The following ZNF268 variants were observed in gnomAD, a reference collection of about 807,000 sequenced individuals.
The protein encoded by ZNF268 is zinc finger protein 3.
A neutral mutation model predicts 29.3 loss-of-function variants in ZNF268; 20 were observed. That is an observed-to-expected ratio of 0.68 (90% CI 0.48 to 0.99). ZNF268 has a LOEUF of 0.99. Among genes scored for constraint, ZNF268 ranks in the 50% least tolerant of loss-of-function variants. The pLI is 0.00. For missense variants in ZNF268, 1,240 were observed against 1,121.6 expected, an observed-to-expected ratio of 1.11 and a Z score of -1.51; for synonymous variants, 429 against 376.9, an observed-to-expected ratio of 1.14 and a Z score of -1.60.
At chr12:133,200,663 A>G (rs1317239459) in intron 5 of ZNF268, among the ~76,000 whole-genome samples, 1 of 152,016 alleles carries the variant, frequency 6.6e-6, no homozygotes, top group Non-Finnish European at 1.5e-5. Context: ...CTTGATCCTT[A>G]GTCTTATTTC....
rs2135533369 is a variant in ZNF268 at position 133,208,173 on chromosome 12, C to A, written c.*3643C>A. The A allele has an allele frequency of 6.6e-6, 1 of 152,040 alleles. No homozygotes were observed. The highest frequency in any genetic ancestry group is 2.4e-5 in the African/African-American group (1 of 41,476). The allele number at this position is 152,040 out of a possible 1,614,324, so 9.4% of individuals were successfully genotyped here. On this transcript the variant is annotated 3_prime_UTR_variant, in exon 6 of 6. Transcript: ENST00000536435. ...ACAAGCCTGACCAATATAGGGAGAC[C>A]CTGTCTGTACAAAAACTTTTTAAAA... is the stretch of plus-strand genomic sequence containing the variant.
In ZNF268 at chr12:133,202,663, A is replaced by G. The variant is rs765292569; in HGVS notation, c.977A>G (p.His326Arg). 29 of 1,607,116 alleles carry G rather than the reference A, an allele frequency of 1.8e-5. No homozygotes were observed. In the South Asian group the frequency reaches 3.1e-4, roughly 17 times the overall value. The change falls in exon 6 of 6, where the codon CAT (histidine) becomes CGT (arginine). Residue 326 changes from histidine (H) to arginine (R), a missense_variant. Physicochemically the swap from His to Arg is conservative, Grantham distance 29. Coordinates refer to ENST00000536435, the MANE Select transcript of ZNF268 (RefSeq NM_003415.3). ...TACCTCATTGTACATCAGAGAATTC[A>G]TACAGGAGAGAAACTACATGAATGC... ...KSYLIVHQRI[H>R]TGEKLHECSE...
In ZNF268 at chr12:133,208,023, C is replaced by T. The variant is rs1198220731; in HGVS notation, c.*3493C>T. On this transcript the variant is annotated 3_prime_UTR_variant, in exon 6 of 6. Coordinates refer to ENST00000536435, the MANE Select transcript of ZNF268 (RefSeq NM_003415.3). ...ATGTTCTGAAAACACAAATGTCATA[C>T]TTAATGATAAAATAGTAGAAAGATT... 4 of 152,076 alleles carry T rather than the reference C, an allele frequency of 2.6e-5. No individual in the cohort carries two copies. Among genetic ancestry groups the T allele is most frequent in the African/African-American group, 9.7e-5 (4 of 41,400 alleles). The allele number at this position is 152,076 out of a possible 1,614,324, so 9.4% of individuals were successfully genotyped here.
rs971391110 is a variant in ZNF268 at position 133,212,585 on chromosome 12, T to C, written c.*8055T>C. ...TATACACATATATATAATAAGAACA[T>C]TTACCATTTTAACTATTTTTAAGTG... is the stretch of plus-strand genomic sequence containing the variant. On this transcript the variant is annotated 3_prime_UTR_variant, in exon 6 of 6. Transcript: ENST00000536435. 5.3e-5 allele frequency: 8 copies of C among 150,488 alleles called. No homozygotes were observed. The highest frequency in any genetic ancestry group is 2.0e-4 in the Admixed American group (3 of 15,054). The allele number at this position is 150,488 out of a possible 1,614,324, so 9.3% of individuals were successfully genotyped here.
In ZNF268 at chr12:133,212,492, T is replaced by C. The variant is rs1196613360; in HGVS notation, c.*7962T>C. On this transcript the variant is annotated 3_prime_UTR_variant, in exon 6 of 6. Coordinates refer to ENST00000536435, the MANE Select transcript of ZNF268 (RefSeq NM_003415.3). ...ATATATATATATATATATATATATATATATATGTATATATACACACACACA... is the reference window on the plus strand; with the variant it reads ...ATATATATATATATATATATATATACATATATGTATATATACACACACACA... 2 of 9,838 alleles carry C rather than the reference T, an allele frequency of 2.0e-4. No homozygotes were observed. The highest frequency in any genetic ancestry group is 1.0e-3 in the African/African-American group (1 of 980). The allele number at this position is 9,838 out of a possible 1,614,324, so 0.6% of individuals were successfully genotyped here.
intron 2 of ZNF268, among the ~76,000 whole-genome samples, chr12:133,185,259 A>G (rs1956281292): frequency 6.6e-6 from 1 of 151,940 alleles, no homozygotes; most frequent in Non-Finnish European, 1.5e-5. Context: ...CCACTGAGGA[A>G]GTGACGTCTA....
At chr12:133,182,151 C>CGG (rs1484833990) in intron 2 of ZNF268, 121 bp downstream of exon 2, 70 of 920,428 alleles carry the variant, frequency 7.6e-5, no homozygotes, top group Non-Finnish European at 1.1e-4. Context: ...TTTTAGGCAA[C>CGG]TGGATCGTCA....
chr12:133,188,915 C>T (rs936741274), intron 3 of ZNF268, among the ~76,000 whole-genome samples: 1 of 152,018 alleles, frequency 6.6e-6, no homozygotes, highest in Non-Finnish European at 1.5e-5. Flanking sequence ...GTCTGGATTG[C>T]AAATTTTTTT....
At position 133,181,590 on chromosome 12, in the gene ZNF268, T is replaced by G. The variant is rs1188346314; in HGVS notation, c.-149T>G. On this transcript the variant is annotated 5_prime_UTR_variant, in exon 1 of 6. Transcript: ENST00000536435. ...TCGTGGTCAACGGGCCAGCCGAGTC[T>G]GGAGTGGTTGCGAACCCTTCTGGCT... is the stretch of plus-strand genomic sequence containing the variant. 1 of 176,652 alleles carries G rather than the reference T, an allele frequency of 5.7e-6. No homozygotes were observed. The highest frequency in any genetic ancestry group is 1.2e-5 in the Non-Finnish European group (1 of 84,094). The allele number at this position is 176,652 out of a possible 1,614,324, so 10.9% of individuals were successfully genotyped here.
intron 3 of ZNF268, among the ~76,000 whole-genome samples, chr12:133,189,375 C>T (rs769848263): frequency 2.0e-5 from 3 of 151,896 alleles, no homozygotes; most frequent in East Asian, 1.9e-4. Flanking sequence ...CTACCATACC[C>T]GGCTAATTTT....
chr12:133,192,377 G>A (rs1956497710), intron 5 of ZNF268, among the ~76,000 whole-genome samples: 1 of 152,008 alleles, frequency 6.6e-6, no homozygotes, highest in African/African-American at 2.4e-5. Flanking sequence ...TAAAGTGCTG[G>A]GATTACAGGC....
intron 5 of ZNF268, among the ~76,000 whole-genome samples, chr12:133,193,074 C>T (rs573057039): frequency 1.7e-4 from 26 of 152,306 alleles, no homozygotes; most frequent in Admixed American, 1.2e-3. Flanking sequence ...GCTGCATGAC[C>T]GAGCACTTTT....
At chr12:133,191,070 A>C (rs1305824522) in intron 3 of ZNF268, among the ~76,000 whole-genome samples, 4 of 152,054 alleles carry the variant, frequency 2.6e-5, no homozygotes, top group Non-Finnish European at 5.9e-5. Flanking sequence ...TAATCCTAGC[A>C]CTTTGGGAGG....
rs1277874350 is a variant in ZNF268, at chr12:133,205,164, A to AC, written c.*634_*635insC. On this transcript the variant is annotated 3_prime_UTR_variant, in exon 6 of 6. Coordinates refer to ENST00000536435, the MANE Select transcript of ZNF268 (RefSeq NM_003415.3). ...CATTCTAAAAAAAAAAAAAAAAAAA[A>AC]AAAAAAAAACCAACCTGTTATTATA... 1.4e-4 allele frequency: 19 copies of AC among 138,812 alleles called. No homozygotes were observed. The highest frequency in any genetic ancestry group is 5.1e-4 in the African/African-American group (18 of 35,448). 8.6% of individuals were successfully genotyped at this position (138,812 alleles called of 1,614,324 possible).
At chr12:133,199,930 T>C (rs992186663) in intron 5 of ZNF268, among the ~76,000 whole-genome samples, 15 of 152,176 alleles carry the variant, frequency 9.9e-5, no homozygotes, top group African/African-American at 3.6e-4. Flanking sequence ...CTCTTTTTAT[T>C]AGTCTTGCTA....
At chr12:133,197,240 A>G (rs4405357) in intron 5 of ZNF268, among the ~76,000 whole-genome samples, 47,910 of 132,628 alleles carry the variant, frequency 0.36, 8,587 homozygotes, top group African/African-American at 0.43. Context: ...TCCTGTGTCC[A>G]TGTGTTCTCA....
chr12:133,186,630 G>A (rs972456911), intron 2 of ZNF268, among the ~76,000 whole-genome samples: 8 of 151,712 alleles, frequency 5.3e-5, no homozygotes, highest in Non-Finnish European at 7.4e-5. Context: ...CACCTGCCTC[G>A]ACCTCTCAAA....
chr12:133,183,561 G>A lies in ZNF268; in HGVS notation c.33+1531G>A, dbSNP rs73163691. ...GAAATTAGATTTCATAACTAGTTGG[G>A]TGCAGTGCTAAGAGAGGCAGAAAAG... On this transcript the variant is annotated intron_variant, in intron 2 of 5. Coordinates refer to ENST00000536435, the MANE Select transcript of ZNF268 (RefSeq NM_003415.3). Among the ~76,000 whole-genome samples, 1,016 of 152,154 alleles carry A rather than the reference G, an allele frequency of 6.7e-3. 9 individuals carry two copies. The highest frequency in any genetic ancestry group is 0.023 in the African/African-American group (941 of 41,516).
intron 2 of ZNF268, among the ~76,000 whole-genome samples, chr12:133,186,870 G>A (rs564296556): frequency 3.3e-5 from 5 of 152,270 alleles, no homozygotes; most frequent in African/African-American, 1.2e-4. Flanking sequence ...ACACACATGC[G>A]TATACGTATA....
Sources: gnomAD v4.1 joint callset for allele counts (sites outside exome capture counted in the v4.1 genomes callset) on GRCh38, gnomAD v4.1.1 for gene constraint, MANE v1.5 for transcripts, NCBI Gene and HGNC (gene_info 2026-07-23, HGNC 2026-07-21) for gene names.